ATG16L2: variants seen among roughly 807,000 people sequenced by gnomAD.
ATG16L2 encodes the protein protein Atg16l2.
A neutral mutation model predicts 84.7 loss-of-function variants in ATG16L2; 77 were observed. The observed-to-expected ratio is 0.91, with a 90% confidence interval of 0.76 to 1.10. The LOEUF is 1.10. Ranked by LOEUF, ATG16L2 falls within the 50% of genes least tolerant of loss-of-function variation. The pLI is 0.00. For synonymous variants in ATG16L2, 361 were observed against 342.8 expected (o/e 1.05, Z -0.59); for missense variants, 782 against 817.6 (o/e 0.96, Z 0.53).
chr11:72,842,983 G>T (rs1861008000), exon 6 of ATG16L2: 2 of 869,596 alleles, frequency 2.3e-6, no homozygotes, highest in Non-Finnish European at 3.5e-6. Context: ...ACTGATGAAT[G>T]ATTAACTTTA....
rs2135098271 is a variant in ATG16L2, at chr11:72,822,516, C to T, written c.683C>T (p.Ala228Val). The change falls in exon 6 of 18, where the codon GCT becomes GTT. Residue 228 changes from alanine to valine, a missense_variant. By Grantham distance (64) the Ala-to-Val change is moderately conservative. Coordinates refer to ENST00000321297, the MANE Select transcript of ATG16L2 (RefSeq NM_033388.2). This position sits in a 1 kb window ranked among gnomAD's most constrained non-coding sequence, Gnocchi z 4.2. The stretch of plus-strand genomic sequence containing the variant: ...CGGGTGTCCCAGGAGCTGAAGAAGG[C>T]TGCCAAGCGGACCGTGAGCATCAGC... ...QARVSQELKK[A>V]AKRTVSISEG... The T allele has an allele frequency of 6.2e-7, 1 of 1,612,870 alleles. No homozygotes were observed. The highest frequency in any genetic ancestry group is 1.1e-5 in the South Asian group (1 of 91,034).
Position 72,822,221 on chromosome 11 carries a change from C to A in ATG16L2, c.570C>A (p.Asp190Glu). The A allele has an allele frequency of 6.6e-7, 1 of 1,504,976 alleles. No homozygotes were observed. Among genetic ancestry groups the A allele is most frequent in the South Asian group, 1.2e-5 (1 of 81,188 alleles). 93.2% of individuals were successfully genotyped at this position (1,504,976 alleles called of 1,614,324 possible). ...GCAGGCTCCAGGAAGAGGCGCGCGA[C>A]CTGCTGGAGAGGCTCGTGCAGCGCA... ...ALRRLQEEARDLLERLVQRKA... is the reference protein window; with the variant it reads ...ALRRLQEEARELLERLVQRKA... The change falls in exon 5 of 18, where the codon GAC (aspartate) becomes GAA (glutamate). Residue 190 changes from aspartate to glutamate, a missense_variant. Transcript: ENST00000321297. The surrounding 1 kb of genome is among the most constrained non-coding windows in gnomAD (Gnocchi z 4.2).
chr11:72,840,968 G>A, intron 5 of ATG16L2: 1 of 1,602,318 alleles, frequency 6.2e-7, no homozygotes, highest in Non-Finnish European at 8.5e-7. Flanking sequence ...TTCTAAGGGA[G>A]AAAACCAAAG....
chr11:72,822,411 C>G lies in ATG16L2; in HGVS notation c.645-67C>G, dbSNP rs774009423. 6 of 1,600,994 alleles carry G rather than the reference C, an allele frequency of 3.7e-6. No individual in the cohort carries two copies. In the South Asian group the frequency reaches 5.5e-5, roughly 15 times the overall value. ...AGCAGCCGCCCCCTGGAGGAAGGGA[C>G]CGGGTCTAGCCCCGCCTGCGTGCGA... On this transcript the variant is annotated intron_variant, in intron 5 of 17. Transcript: ENST00000321297. This position sits in a 1 kb window ranked among gnomAD's most constrained non-coding sequence, Gnocchi z 4.2.
chr11:72,837,280 G>GTAT (rs1314556343), intron 5 of ATG16L2: 3 of 152,554 alleles, frequency 2.0e-5, no homozygotes, highest in African/African-American at 7.2e-5. Context: ...TCATTAATGG[G>GTAT]TATTGTCACT....
At position 72,826,540 on chromosome 11, in the gene ATG16L2, C is replaced by A. The variant is rs1177244647; in HGVS notation, c.1196C>A (p.Thr399Asn). 1.9e-6 allele frequency: 3 copies of A among 1,614,150 alleles called. No homozygotes were observed. The highest frequency in any genetic ancestry group is 2.5e-6 in the Non-Finnish European group (3 of 1,180,016). Residue 399 changes from threonine to asparagine, a missense_variant, in exon 12 of 18, where the codon ACT (threonine) becomes AAT (asparagine). Thr to Asn is a moderately conservative substitution (Grantham distance 65). Coordinates refer to ENST00000321297, the MANE Select transcript of ATG16L2 (RefSeq NM_033388.2). The stretch of plus-strand genomic sequence containing the variant: ...CAGGGCTACCAGGTTTTAGCAGCAA[C>A]TTACAACCAGGCTGCCCAGCTCTGG... Reference protein sequence around the residue: ...DPSGYQVLAATYNQAAQLWKV... With the variant: ...DPSGYQVLAANYNQAAQLWKV...
chr11:72,818,035 C>T (rs552356250), intron 3 of ATG16L2, 180 bp downstream of exon 3: 2 of 606,388 alleles, frequency 3.3e-6, no homozygotes, highest in Admixed American at 3.1e-5. Flanking sequence ...CCCTGGGCAG[C>T]CCAGGATGAA....
chr11:72,841,340 CAAAAAA>C lies in ATG16L2; in HGVS notation c.*22-1258_*22-1253del, dbSNP rs59748827. ...GCCCAGGTGACAGAGACTCTGTCTC[CAAAAAA>C]AAAAAAAAAAAAAAAAAAGCAAATG... On this transcript the variant is annotated intron_variant, in intron 5 of 5. Transcript: ENST00000534905. 2,312 of 371,536 alleles carry C rather than the reference CAAAAAA, an allele frequency of 6.2e-3. 1 individual carries two copies. The highest frequency in any genetic ancestry group is 7.0e-3 in the Non-Finnish European group (1,708 of 242,356). The allele number at this position is 371,536 out of a possible 1,614,324, so 23.0% of individuals were successfully genotyped here.
chr11:72,841,567 T>C (rs778888175), intron 5 of ATG16L2: 3 of 1,607,876 alleles, frequency 1.9e-6, no homozygotes, highest in Non-Finnish European at 1.7e-6. Context: ...GGCGTGTGGC[T>C]TGGGGGAAGG....
chr11:72,829,314 A>G lies in ATG16L2; in HGVS notation c.1784A>G (p.Asn595Ser), dbSNP rs751819707. 18 of 1,613,000 alleles carry G rather than the reference A, an allele frequency of 1.1e-5. No individual in the cohort carries two copies. The highest frequency in any genetic ancestry group is 1.4e-5 in the Non-Finnish European group (16 of 1,179,754). ...RLQGPHCAAVNAVAWCYSGSH... is the reference protein window; with the variant it reads ...RLQGPHCAAVSAVAWCYSGSH... ...CTCCCTTTCCCCAGCGCTGCCGTCAACGCCGTGGCCTGGTGCTACTCCGGG... is the reference window on the plus strand; with the variant it reads ...CTCCCTTTCCCCAGCGCTGCCGTCAGCGCCGTGGCCTGGTGCTACTCCGGG... The change falls in exon 18 of 18, where the codon AAC (asparagine) becomes AGC (serine). Residue 595 changes from asparagine (N) to serine (S), a missense_variant. Physicochemically the swap from Asn to Ser is conservative, Grantham distance 46 (BLOSUM62 1). Transcript: ENST00000321297.
At chr11:72,821,523 G>C in intron 3 of ATG16L2, 145 bp from the exon 4 acceptor site, 1 of 1,445,264 alleles carries the variant, frequency 6.9e-7, no homozygotes, top group South Asian at 1.4e-5. Flanking sequence ...CCCTGTGCAA[G>C]GTCCCAAACC....
intron 1 of ATG16L2, among the ~76,000 whole-genome samples, chr11:72,815,310 TG>T (rs1191326395): frequency 1.3e-5 from 2 of 152,214 alleles, no homozygotes; most frequent in African/African-American, 4.8e-5. Context: ...GCTCTCTCAC[TG>T]GGGCTAATCT....
chr11:72,835,291 G>A (rs958468273), intron 5 of ATG16L2, among the ~76,000 whole-genome samples: 5 of 152,118 alleles, frequency 3.3e-5, no homozygotes, highest in Non-Finnish European at 7.4e-5. Flanking sequence ...TCTTTCCCTT[G>A]GGCCTTATGA....
intron 9 of ATG16L2, among the ~76,000 whole-genome samples, 157 bp from the exon 10 acceptor site, chr11:72,825,145 C>T (rs148261464): frequency 1.3e-5 from 2 of 152,096 alleles, no homozygotes; most frequent in South Asian, 2.1e-4. Context: ...CTGGTGGGGC[C>T]GGGTTTGAAA....
downstream of ATG16L2, among the ~76,000 whole-genome samples, chr11:72,831,171 G>T (rs570981401): frequency 2.6e-5 from 4 of 152,310 alleles, no homozygotes; most frequent in South Asian, 8.3e-4. Flanking sequence ...GATCAGGCCT[G>T]GCACAGAGAA....
In ATG16L2 at chr11:72,840,866, C is replaced by T. The variant is rs1565280592; in HGVS notation, c.*22-1751C>T. 3.8e-6 allele frequency: 6 copies of T among 1,579,488 alleles called. No individual in the cohort carries two copies. The African/African-American group carries it at 5.4e-5, about 14-fold the overall frequency. The stretch of plus-strand genomic sequence containing the variant: ...TATGCATTCGATAATCCTGCAAGAT[C>T]AGAGACTTACAGGTCGCAGTTTGCC... On this transcript the variant is annotated intron_variant, in intron 5 of 5. Transcript: ENST00000534905.
In ATG16L2 at chr11:72,822,894, C is replaced by G; in HGVS notation, c.757C>G (p.Leu253Val). 6.3e-7 allele frequency: 1 copy of G among 1,578,414 alleles called. No individual in the cohort carries two copies. The highest frequency in any genetic ancestry group is 8.6e-7 in the Non-Finnish European group (1 of 1,161,692). The change falls in exon 7 of 18, where the codon CTG becomes GTG. Residue 253 changes from leucine (L) to valine (V), a missense_variant. Physicochemically the swap from Leu to Val is conservative, Grantham distance 32. Transcript: ENST00000321297. This position sits in a 1 kb window ranked among gnomAD's most constrained non-coding sequence, Gnocchi z 4.2. ...TGGGATGAGGGAGAGAAGGGAGACT[C>G]TGGCTCTGGCCCCTGAGCCAGAGCC... The part of the protein sequence containing the change: ...GDGMRERRET[L>V]ALAPEPEPLE...
chr11:72,823,770 C>A, intron 7 of ATG16L2: 1 of 537,652 alleles, frequency 1.9e-6, no homozygotes, highest in Non-Finnish European at 3.6e-6. Context: ...CTGTAGGCCC[C>A]GGCTCAGCTT....
At chr11:72,836,787 A>G (rs1860741469) in intron 5 of ATG16L2, 1 of 152,648 alleles carries the variant, frequency 6.6e-6, no homozygotes, top group Non-Finnish European at 1.5e-5. Context: ...TACATAATAA[A>G]TACAAACTTT....
Sources: allele counts gnomAD v4.1 joint callset (sites outside exome capture counted in the v4.1 genomes callset), GRCh38; gene constraint gnomAD v4.1.1; non-coding constraint Gnocchi (gnomAD v3.1); transcripts MANE v1.5; gene names NCBI Gene and HGNC (gene_info 2026-07-23, HGNC 2026-07-21).